The following LYRM7 variants were observed in gnomAD, a reference collection of about 807,000 sequenced individuals.
LYRM7 encodes complex III assembly factor LYRM7.
Under a neutral mutation model 15.8 loss-of-function variants are expected in LYRM7, and 9 were observed. The ratio of observed to expected loss-of-function variants is 0.57; its 90% CI spans 0.34 to 0.99. The LOEUF (loss-of-function observed/expected upper bound fraction) is 0.99, where lower values mean the gene tolerates loss of function less well. LYRM7 is among the 50% of genes least tolerant of loss of function. The pLI, the probability that LYRM7 is intolerant of heterozygous loss-of-function variation, is 0.02. For synonymous variants in LYRM7, 39 were observed against 39.4 expected, an observed-to-expected ratio of 0.99 and a Z score of 0.04; for missense variants, 115 against 119.1, an observed-to-expected ratio of 0.97 and a Z score of 0.16.
chr5:131,186,073 C>T (rs1451711008), intron 3 of LYRM7, among the ~76,000 whole-genome samples: 1 of 152,188 alleles, frequency 6.6e-6, no homozygotes, highest in African/African-American at 2.4e-5. Flanking sequence ...GCTGACAACT[C>T]AAACCATGCA....
intron 1 of LYRM7, among the ~76,000 whole-genome samples, chr5:131,175,612 G>A (rs1012863158): frequency 2.0e-4 from 30 of 149,546 alleles, no homozygotes; most frequent in South Asian, 2.1e-4. Flanking sequence ...TTGGCTCGCC[G>A]CAACCTCTGC....
chr5:131,198,391 T>C (rs1756004455), intron 4 of LYRM7, among the ~76,000 whole-genome samples: 1 of 152,214 alleles, frequency 6.6e-6, no homozygotes, highest in Admixed American at 6.5e-5. Context: ...TTAGGTATCC[T>C]TAATCTAGAG....
intron 3 of LYRM7, among the ~76,000 whole-genome samples, chr5:131,184,669 C>T (rs1755767980): frequency 6.6e-6 from 1 of 150,430 alleles, no homozygotes; most frequent in Admixed American, 6.6e-5. Context: ...TTCATGCAGA[C>T]CACCTCCTCC....
intron 3 of LYRM7, 45 bp from the exon 4 acceptor site, chr5:131,186,983 G>T: frequency 9.1e-7 from 1 of 1,096,780 alleles, no homozygotes. Flanking sequence ...ACATTCATAT[G>T]AAACACCTAA....
intron 2 of LYRM7, among the ~76,000 whole-genome samples, chr5:131,180,715 C>G (rs995997801): frequency 2.0e-5 from 3 of 152,200 alleles, no homozygotes; most frequent in African/African-American, 7.2e-5. Context: ...AGTGTCCCCA[C>G]TGTTTCCAGG....
At chr5:131,178,319 A>G (rs998455680) in intron 1 of LYRM7, among the ~76,000 whole-genome samples, 19 of 152,202 alleles carry the variant, frequency 1.2e-4, no homozygotes, top group Non-Finnish European at 2.1e-4. Flanking sequence ...GTGCCTGAAC[A>G]TAAGTGATTT....
intron 4 of LYRM7, among the ~76,000 whole-genome samples, chr5:131,188,125 TG>T (rs1755826674): frequency 6.6e-6 from 1 of 151,894 alleles, no homozygotes; most frequent in South Asian, 2.1e-4. Context: ...GATGCAGTGG[TG>T]CACACCTGTA....
Position 131,197,354 on chromosome 5 carries a change from T to G in LYRM7, c.245-2177T>G, listed in dbSNP as rs150202309. Among the ~76,000 whole-genome samples the G allele has an allele frequency of 5.3e-5, 8 of 152,286 alleles. No individual in the cohort carries two copies. In the East Asian group the frequency reaches 1.5e-3, roughly 29 times the overall value. On this transcript the variant is annotated intron_variant, in intron 4 of 4. Transcript: ENST00000379380. ...ATTCTCTGATGAAATCTCCATAGGT[T>G]TGGTAAAAGCAAGTGAGATATAAAC...
Position 131,199,669 on chromosome 5 carries a change from G to A in LYRM7, c.*68G>A, listed in dbSNP as rs748982818. 3.1e-5 allele frequency: 34 copies of A among 1,088,014 alleles called. No homozygotes were observed. Among genetic ancestry groups the A allele is most frequent in the South Asian group, 2.7e-4 (17 of 62,724 alleles). The allele number at this position is 1,088,014 out of a possible 1,614,324, so 67.4% of individuals were successfully genotyped here. ...AATCTACAACTCTGGCAAAAGTCCT[G>A]GAAATGCAGACATTTTCCCTGAACT... is the stretch of plus-strand genomic sequence containing the variant. On this transcript the variant is annotated 3_prime_UTR_variant, in exon 5 of 5. Transcript: ENST00000379380.
At position 131,204,899 on chromosome 5, in the gene LYRM7, G is replaced by A. The variant is rs1318809381; in HGVS notation, c.*5298G>A. 6.6e-6 allele frequency: 1 copy of A among 152,200 alleles called. No homozygotes were observed. The highest frequency in any genetic ancestry group is 3.2e-3 in the Middle Eastern group (1 of 316). The allele number at this position is 152,200 out of a possible 1,614,324, so 9.4% of individuals were successfully genotyped here. A position where few individuals can be genotyped will look rare whatever the true frequency, so the allele number is the denominator to read the frequency against. Reference sequence around the variant, plus strand: ...GAAAAGAGATTTAGGGAAGGAAGCAGTAAGTGAGAACTTTTATTCTATTTA... The same window carrying A: ...GAAAAGAGATTTAGGGAAGGAAGCAATAAGTGAGAACTTTTATTCTATTTA... On this transcript the variant is annotated 3_prime_UTR_variant, in exon 5 of 5. Transcript: ENST00000379380.
intron 4 of LYRM7, among the ~76,000 whole-genome samples, chr5:131,188,409 TAAAAAA>T (rs760021801): frequency 2.3e-5 from 3 of 129,456 alleles, no homozygotes; most frequent in Non-Finnish European, 3.3e-5. Context: ...AAGCCACATG[TAAAAAA>T]AAAAAAAAAA....
In LYRM7 at chr5:131,181,404, T is replaced by TACATATGTATGTGTATATATATATA. The variant is rs1561544451; in HGVS notation, c.92-819_92-818insGTATGTGTATATATATATAACATAT. ...ATAATATATACATATATATTATATA[T>TACATATGTATGTGTATATATATATA]ACATATATATGTTTATATATATATA... is the stretch of plus-strand genomic sequence containing the variant. On this transcript the variant is annotated intron_variant, in intron 2 of 4. Transcript: ENST00000379380. Among the ~76,000 whole-genome samples the TACATATGTATGTGTATATATATATA allele has an allele frequency of 2.3e-3, 257 of 110,772 alleles. 4 individuals carry two copies. Among genetic ancestry groups the TACATATGTATGTGTATATATATATA allele is most frequent in the African/African-American group, 9.3e-3 (209 of 22,538 alleles). The allele number at this position is 110,772 out of a possible 152,430, so 72.7% of individuals were successfully genotyped here. A position where few individuals can be genotyped will look rare whatever the true frequency, so the allele number is the denominator to read the frequency against.
Position 131,199,657 on chromosome 5 carries a change from G to T in LYRM7, c.*56G>T. On this transcript the variant is annotated 3_prime_UTR_variant, in exon 5 of 5. Coordinates refer to ENST00000379380, the MANE Select transcript of LYRM7 (RefSeq NM_181705.4). The stretch of plus-strand genomic sequence containing the variant: ...TTTTAACTTTAAAATCTACAACTCT[G>T]GCAAAAGTCCTGGAAATGCAGACAT... 1 of 1,263,414 alleles carries T rather than the reference G, an allele frequency of 7.9e-7. No individual in the cohort carries two copies. The highest frequency in any genetic ancestry group is 2.2e-5 in the Admixed American group (1 of 45,992). 78.3% of individuals were successfully genotyped at this position (1,263,414 alleles called of 1,614,324 possible). A position where few individuals can be genotyped will look rare whatever the true frequency, so the allele number is the denominator to read the frequency against.
At chr5:131,175,012 GA>G (rs1350775902) in intron 1 of LYRM7, among the ~76,000 whole-genome samples, 1 of 152,080 alleles carries the variant, frequency 6.6e-6, no homozygotes, top group Non-Finnish European at 1.5e-5. Context: ...ATTTTGAAAG[GA>G]ATCTTTTTTT....
intron 4 of LYRM7, 60 bp from the exon 5 acceptor site, chr5:131,199,471 C>A: frequency 1.7e-6 from 2 of 1,151,312 alleles, no homozygotes; most frequent in Admixed American, 2.3e-5. Flanking sequence ...AAATGAGTGT[C>A]CTTGCATTTA....
Position 131,182,268 on chromosome 5 carries a change from A to G in LYRM7, c.131A>G (p.Lys44Arg), listed in dbSNP as rs774745145. The G allele has an allele frequency of 7.7e-6, 11 of 1,435,820 alleles. No individual in the cohort carries two copies. Among genetic ancestry groups the G allele is most frequent in the Non-Finnish European group, 1.0e-5 (11 of 1,057,760 alleles). The allele number at this position is 1,435,820 out of a possible 1,614,324, so 88.9% of individuals were successfully genotyped here. A position where few individuals can be genotyped will look rare whatever the true frequency, so the allele number is the denominator to read the frequency against. ...ATAAATGAAGAATTCAAAAATAATAAAAGTGAAACTTCTTCTAAGAAAATA... is the reference window on the plus strand; with the variant it reads ...ATAAATGAAGAATTCAAAAATAATAGAAGTGAAACTTCTTCTAAGAAAATA... ...IKINEEFKNN[K>R]SETSSKKIEE... Residue 44 changes from lysine to arginine, a missense_variant, in exon 3 of 5, where the codon AAA (lysine) becomes AGA (arginine). Physicochemically the swap from Lys to Arg is conservative, Grantham distance 26. Coordinates refer to ENST00000379380, the MANE Select transcript of LYRM7 (RefSeq NM_181705.4).
intron 3 of LYRM7, among the ~76,000 whole-genome samples, chr5:131,183,538 G>A (rs1038506407): frequency 5.3e-5 from 8 of 152,150 alleles, no homozygotes; most frequent in African/African-American, 1.9e-4. Context: ...TTTACTTACA[G>A]AGCATTAATT....
intron 4 of LYRM7, among the ~76,000 whole-genome samples, chr5:131,187,780 C>T (rs1755821444): frequency 3.3e-5 from 5 of 152,086 alleles, no homozygotes; most frequent in Admixed American, 3.3e-4. Context: ...GCCATTGCAC[C>T]TGGCCTATAA....
intron 4 of LYRM7, among the ~76,000 whole-genome samples, chr5:131,196,516 T>G (rs1755967860): frequency 6.6e-6 from 1 of 152,156 alleles, no homozygotes; most frequent in South Asian, 2.1e-4. Flanking sequence ...CCCTTTTCTC[T>G]CTTCTTCCCA....
Sources: allele counts gnomAD v4.1 joint callset (sites outside exome capture counted in the v4.1 genomes callset), GRCh38; gene constraint gnomAD v4.1.1; transcripts MANE v1.5; gene names NCBI Gene and HGNC (gene_info 2026-07-23, HGNC 2026-07-21).